The following ZMYM2 variants were observed in gnomAD, a reference collection of about 807,000 sequenced individuals.
ZMYM2 encodes zinc finger MYM-type containing 2.
In ZMYM2, 56 loss-of-function variants were observed where a neutral mutation model predicts 162.8. The observed-to-expected ratio is 0.34, with a 90% CI of 0.28 to 0.43. The LOEUF is 0.43. Ranked by LOEUF, ZMYM2 falls within the 20% of genes least tolerant of loss-of-function variation. The probability of loss-of-function intolerance (pLI) is 1.00; values close to 1 mark genes in which losing one functional copy is unlikely to be tolerated. For synonymous variants in ZMYM2, 510 were observed against 541.6 expected (o/e 0.94, Z 0.81); for missense variants, 1,275 against 1,621.8 (o/e 0.79, Z 3.67).
rs1034901158 is a variant in ZMYM2 at position 20,036,818 on chromosome 13, G to A, written c.2201G>A (p.Cys734Tyr). Residue 734 changes from cysteine to tyrosine, a missense_variant, in exon 12 of 25, where the codon TGT (cysteine) becomes TAT (tyrosine). Cys to Tyr is a radical substitution (Grantham distance 194, BLOSUM62 -2). Transcript: ENST00000610343. ...ACTTGCAACTATTGTTCTCAGCTAT[G>A]TAAGAAGGGAGCAACTAAAGAACTC... is the stretch of plus-strand genomic sequence containing the variant. The part of the protein sequence containing the change: ...CVTCNYCSQL[C>Y]KKGATKELDG... 11 of 1,609,402 alleles carry A rather than the reference G, an allele frequency of 6.8e-6. No homozygotes were observed. Among genetic ancestry groups the A allele is most frequent in the Non-Finnish European group, 9.3e-6 (11 of 1,177,644 alleles).
chr13:20,040,051 T>C (rs960133441), intron 12 of ZMYM2, among the ~76,000 whole-genome samples: 2 of 152,200 alleles, frequency 1.3e-5, no homozygotes, highest in African/African-American at 4.8e-5. Flanking sequence ...AAGTTTTCTT[T>C]TCTGGTTGTG....
At chr13:19,930,478 G>A in the ZMYM2 span, among the ~76,000 whole-genome samples, 1 of 151,832 alleles carries the variant, frequency 6.6e-6, no homozygotes, top group Non-Finnish European at 1.5e-5. Context: ...TGAAGTACTT[G>A]TGGTTGTGCC....
the ZMYM2 span, among the ~76,000 whole-genome samples, chr13:19,935,817 A>G: frequency 6.6e-6 from 1 of 152,156 alleles, no homozygotes. Context: ...AATAAGCCAC[A>G]AGTCTCAATT....
At chr13:20,032,461 G>T (rs1953255682) in intron 10 of ZMYM2, among the ~76,000 whole-genome samples, 1 of 151,992 alleles carries the variant, frequency 6.6e-6, no homozygotes, top group Non-Finnish European at 1.5e-5. Context: ...TGATAAAATG[G>T]TATACAAGAT....
the ZMYM2 span, among the ~76,000 whole-genome samples, chr13:19,934,334 T>C: frequency 6.6e-6 from 1 of 152,142 alleles, no homozygotes; most frequent in Admixed American, 6.5e-5. Flanking sequence ...CTAATTTTTG[T>C]ATTTTTAGTA....
chr13:20,023,796 G>C (rs530210355), intron 7 of ZMYM2, among the ~76,000 whole-genome samples: 236 of 152,256 alleles, frequency 1.6e-3, no homozygotes, highest in Non-Finnish European at 2.6e-3. Flanking sequence ...AGTAAACATG[G>C]CATAAAATTA....
chr13:19,993,961 A>G (rs777632462), intron 3 of ZMYM2, 42 bp downstream of exon 3: 1 of 1,557,690 alleles, frequency 6.4e-7, no homozygotes, highest in South Asian at 1.3e-5. Flanking sequence ...AATGAATTTA[A>G]ACTTTTGGCT....
At chr13:19,976,561 TC>T (rs895596848) in intron 2 of ZMYM2, among the ~76,000 whole-genome samples, 24 of 152,280 alleles carry the variant, frequency 1.6e-4, no homozygotes, top group African/African-American at 5.8e-4. Flanking sequence ...AAACAACAGT[TC>T]CCCAATTATC....
At chr13:20,025,294 C>T (rs879884131) in intron 7 of ZMYM2, 10 of 198,032 alleles carry the variant, frequency 5.0e-5, no homozygotes, top group African/African-American at 1.2e-4. Context: ...TATTTTGCAA[C>T]GTGATTTGTG....
intron 12 of ZMYM2, among the ~76,000 whole-genome samples, chr13:20,048,754 T>G (rs967065486): frequency 1.3e-5 from 2 of 151,476 alleles, no homozygotes; most frequent in African/African-American, 2.4e-5. Flanking sequence ...GGTTTTTGAG[T>G]CAGAGTTTAG....
At chr13:19,898,910 G>A in the ZMYM2 span, among the ~76,000 whole-genome samples, 5 of 151,706 alleles carry the variant, frequency 3.3e-5, no homozygotes, top group Admixed American at 3.3e-4. Context: ...TTTAGACTAG[G>A]TGACAGAGCA....
At chr13:19,968,341 C>G (rs1337649058) in intron 2 of ZMYM2, among the ~76,000 whole-genome samples, 1 of 152,086 alleles carries the variant, frequency 6.6e-6, no homozygotes, top group African/African-American at 2.4e-5. Flanking sequence ...CTCCCGGGTT[C>G]AAGCGATTCT....
At chr13:19,884,788 A>C in the ZMYM2 span, among the ~76,000 whole-genome samples, 1 of 152,122 alleles carries the variant, frequency 6.6e-6, no homozygotes, top group Non-Finnish European at 1.5e-5. Context: ...CCCAAGACAG[A>C]AAAACAAAAT....
At position 20,026,848 on chromosome 13, in the gene ZMYM2, GT is replaced by G. The variant is rs1344515245; in HGVS notation, c.1735+91del. 1.4e-5 allele frequency: 19 copies of G among 1,339,298 alleles called. No individual in the cohort carries two copies. The African/African-American group carries it at 2.8e-4, about 19-fold the overall frequency. The allele number at this position is 1,339,298 out of a possible 1,614,324, so 83.0% of individuals were successfully genotyped here. On this transcript the variant is annotated intron_variant, in intron 8 of 24. Coordinates refer to ENST00000610343, the MANE Select transcript of ZMYM2 (RefSeq NM_197968.4). ...ATACTCATTTGATGTTTTTATGCTT[GT>G]TTTTAACAGCTTTTTATTTTATATT...
intron 19 of ZMYM2, among the ~76,000 whole-genome samples, chr13:20,066,174 T>G (rs1235965861): frequency 6.6e-6 from 1 of 152,214 alleles, no homozygotes; most frequent in African/African-American, 2.4e-5. Context: ...TTTTCTAATT[T>G]CATGACACAT....
chr13:19,987,620 C>CGTGTGTGTGTGTGTGTGTGT (rs756005409), intron 2 of ZMYM2, among the ~76,000 whole-genome samples: 2 of 121,360 alleles, frequency 1.6e-5, no homozygotes, highest in African/African-American at 6.6e-5. Context: ...GGGGTTTTGT[C>CGTGTGTGTGTGTGTGTGTGT]GTGTGTGTGT....
the ZMYM2 span, among the ~76,000 whole-genome samples, chr13:19,901,502 CT>C: frequency 1.2e-3 from 172 of 145,892 alleles, no homozygotes; most frequent in Non-Finnish European, 1.2e-3. Context: ...ACTAACTTTT[CT>C]TTTTTTTTTT....
At chr13:20,030,416 T>TC (rs375019929) in intron 9 of ZMYM2, among the ~76,000 whole-genome samples, 1 of 142,710 alleles carries the variant, frequency 7.0e-6, no homozygotes, top group Non-Finnish European at 1.5e-5. Flanking sequence ...TTTTTTTTTT[T>TC]GAGACGGAGT....
At chr13:19,915,750 C>T in the ZMYM2 span, among the ~76,000 whole-genome samples, 1,738 of 151,698 alleles carry the variant, frequency 0.011, 28 homozygotes, top group African/African-American at 0.033. Context: ...GTGATCCAAC[C>T]GCCTCGCCCT....
Sources: gnomAD v4.1 joint callset for allele counts (sites outside exome capture counted in the v4.1 genomes callset) on GRCh38, gnomAD v4.1.1 for gene constraint, MANE v1.5 for transcripts, NCBI Gene and HGNC (gene_info 2026-07-23, HGNC 2026-07-21) for gene names.